PDE4D: variants seen among roughly 807,000 people sequenced by gnomAD.
PDE4D encodes the protein 3',5'-cyclic-AMP phosphodiesterase 4D.
In PDE4D, 24 loss-of-function variants were observed where a neutral mutation model predicts 87.4. That is an observed-to-expected ratio of 0.27 (90% CI 0.20 to 0.39). PDE4D has a LOEUF of 0.39. PDE4D is among the 10% of genes least tolerant of loss of function. PDE4D has a pLI of 1.00. For synonymous variants in PDE4D, 384 were observed against 383.2 expected (o/e 1.00, Z -0.02); for missense variants, 714 against 1,041.0 (o/e 0.69, Z 4.32).
intron 1 of PDE4D, among the ~76,000 whole-genome samples, chr5:59,875,837 T>C (rs935546495): frequency 2.0e-5 from 3 of 152,142 alleles, no homozygotes; most frequent in African/African-American, 7.2e-5. Flanking sequence ...GAGGCCATTA[T>C]CCTTAGCAAA....
chr5:58,995,292 A>C (rs941331062), intron 6 of PDE4D, among the ~76,000 whole-genome samples: 4 of 152,196 alleles, frequency 2.6e-5, no homozygotes, highest in Non-Finnish European at 5.9e-5. Flanking sequence ...TAATTTGTTA[A>C]ATTTCCTTTT....
intron 1 of PDE4D, among the ~76,000 whole-genome samples, chr5:59,760,028 A>G (rs1472573256): frequency 6.6e-6 from 1 of 152,196 alleles, no homozygotes; most frequent in African/African-American, 2.4e-5. Context: ...TTGTGTGTGT[A>G]TATGTGTATT....
At chr5:60,338,551 G>C (rs1758019203) in intron 1 of PDE4D, among the ~76,000 whole-genome samples, 1 of 152,126 alleles carries the variant, frequency 6.6e-6, no homozygotes, top group Non-Finnish European at 1.5e-5. Context: ...TGCACAGGGA[G>C]GTAAGGACAG....
rs535834720 is a variant in PDE4D, at chr5:60,515,607, T to C, written n.70+6444A>G. On this transcript the variant is annotated intron_variant and non_coding_transcript_variant, in intron 1 of 2. Coordinates refer to the PDE4D transcript ENST00000506510. ...TTTCTTTCCTTTTCTTTTTCTTTTT[T>C]TTTTTTTTTTTTCTGTCAGGATGAG... Among the ~76,000 whole-genome samples, 11 of 148,058 alleles carry C rather than the reference T, an allele frequency of 7.4e-5. No individual in the cohort carries two copies. The South Asian group carries it at 1.5e-3, about 20-fold the overall frequency.
chr5:60,207,626 T>G (rs1411893243), intron 1 of PDE4D, among the ~76,000 whole-genome samples: 7 of 152,348 alleles, frequency 4.6e-5, no homozygotes, highest in African/African-American at 1.7e-4. Context: ...TTTATAAGAA[T>G]TAAAATAGAT....
chr5:59,169,595 G>A (rs553975795), intron 5 of PDE4D, among the ~76,000 whole-genome samples: 4 of 152,254 alleles, frequency 2.6e-5, no homozygotes, highest in South Asian at 4.1e-4. Context: ...TTCACTAATC[G>A]TGGAGCACTT....
intron 1 of PDE4D, among the ~76,000 whole-genome samples, chr5:59,771,283 G>A (rs771550689): frequency 2.6e-5 from 4 of 151,378 alleles, no homozygotes; most frequent in East Asian, 1.9e-4. Context: ...GTACCCAGAC[G>A]AGATCTTGGA....
chr5:60,097,311 G>A (rs1775781094), intron 2 of PDE4D, among the ~76,000 whole-genome samples: 2 of 151,304 alleles, frequency 1.3e-5, no homozygotes, highest in Admixed American at 6.6e-5. Flanking sequence ...AAGTAAAGAA[G>A]GAAAGATTGT....
At chr5:59,566,884 A>T (rs1023532217) in intron 1 of PDE4D, among the ~76,000 whole-genome samples, 2 of 152,092 alleles carry the variant, frequency 1.3e-5, no homozygotes, top group African/African-American at 4.8e-5. Context: ...TAAGAAAAAA[A>T]AAACATGTTT....
At chr5:59,187,912 T>C (rs1162596162) in intron 3 of PDE4D, among the ~76,000 whole-genome samples, 1 of 152,080 alleles carries the variant, frequency 6.6e-6, no homozygotes, top group African/African-American at 2.4e-5. Flanking sequence ...TAAGGGGGTG[T>C]TGTCTTGGGC....
chr5:60,179,890 T>TA, intron 2 of PDE4D, among the ~76,000 whole-genome samples: 1 of 152,328 alleles, frequency 6.6e-6, no homozygotes, highest in African/African-American at 2.4e-5. Context: ...CTCCACCAGT[T>TA]ATGCTTTTCT....
chr5:60,347,700 CT>C (rs1173871180), intron 1 of PDE4D, among the ~76,000 whole-genome samples: 3 of 152,154 alleles, frequency 2.0e-5, no homozygotes, highest in Non-Finnish European at 4.4e-5. Flanking sequence ...GCTAAAAGCA[CT>C]ACTGAAGCCA....
intron 1 of PDE4D, among the ~76,000 whole-genome samples, chr5:60,225,641 C>A (rs529775196): frequency 3.3e-5 from 5 of 152,220 alleles, no homozygotes; most frequent in South Asian, 4.1e-4. Context: ...GAGAACCCAA[C>A]TCCTCACTTT....
chr5:60,078,084 T>A lies in PDE4D; in HGVS notation c.43-89367A>T, dbSNP rs572476336. On this transcript the variant is annotated intron_variant, in intron 2 of 16. Transcript: ENST00000502484. ...GTGGGAGATGTTCCTTCTGGCTGCA[T>A]CTAGTCGACCATCTTGCCTCCTTCC... 1.3e-4 allele frequency among the ~76,000 whole-genome samples: 20 copies of A among 152,282 alleles called. 1 individual carries two copies. In the South Asian group the frequency reaches 3.9e-3, roughly 30 times the overall value.
intron 5 of PDE4D, among the ~76,000 whole-genome samples, chr5:59,050,481 A>G (rs1761375254): frequency 6.6e-6 from 1 of 152,210 alleles, no homozygotes; most frequent in South Asian, 2.1e-4. Flanking sequence ...ATTATAGAGA[A>G]CAAATTTCAG....
At chr5:60,341,475 G>A (rs1043663751) in intron 1 of PDE4D, among the ~76,000 whole-genome samples, 3 of 152,156 alleles carry the variant, frequency 2.0e-5, no homozygotes, top group African/African-American at 7.2e-5. Context: ...ACCCAGAAGT[G>A]GAGCTGGAGG....
chr5:60,045,462 C>T (rs1389322642), intron 2 of PDE4D, among the ~76,000 whole-genome samples: 3 of 152,104 alleles, frequency 2.0e-5, no homozygotes, highest in Admixed American at 6.5e-5. Flanking sequence ...AATGGTAAAG[C>T]CTAGGTTTTC....
At chr5:60,493,159 A>G (rs1191778770) in intron 1 of PDE4D, among the ~76,000 whole-genome samples, 1 of 152,240 alleles carries the variant, frequency 6.6e-6, no homozygotes, top group South Asian at 2.1e-4. Flanking sequence ...AACCCAGGAC[A>G]TGACACACAA....
At chr5:59,944,260 C>T (rs1160711114) in intron 3 of PDE4D, among the ~76,000 whole-genome samples, 2 of 152,062 alleles carry the variant, frequency 1.3e-5, no homozygotes, top group Non-Finnish European at 2.9e-5. Flanking sequence ...ACTCCTTTTT[C>T]TATTTATTCC....
Sources: allele counts gnomAD v4.1 joint callset (sites outside exome capture counted in the v4.1 genomes callset), GRCh38; gene constraint gnomAD v4.1.1; transcripts MANE v1.5; gene names NCBI Gene and HGNC (gene_info 2026-07-23, HGNC 2026-07-21).